Variants in CLSTN3 observed in about 807,000 individuals in gnomAD.
CLSTN3 encodes the protein calsyntenin 3.
Under a neutral mutation model 95.9 loss-of-function variants are expected in CLSTN3, and 36 were observed. The observed-to-expected ratio is 0.38, with a 90% CI of 0.29 to 0.50. The LOEUF is 0.50. CLSTN3 is among the 20% of genes least tolerant of loss of function. CLSTN3 has a pLI of 0.95. For missense variants in CLSTN3, 1,084 were observed against 1,268.8 expected (o/e 0.85, Z 2.21); for synonymous variants, 481 against 504.0 (o/e 0.95, Z 0.61).
At chr12:7,132,880 CA>C (rs767623250) in intron 1 of CLSTN3, 143 bp from the exon 2 acceptor site, 16 of 1,093,558 alleles carry the variant, frequency 1.5e-5, no homozygotes, top group Middle Eastern at 2.2e-4. Context: ...TGTCCTCAAC[CA>C]CCCGCCTCCT....
chr12:7,145,672 C>G (rs936780658), intron 12 of CLSTN3, among the ~76,000 whole-genome samples: 7 of 151,998 alleles, frequency 4.6e-5, no homozygotes, highest in African/African-American at 1.7e-4. Context: ...TTCCACAGCT[C>G]TTGACTTTCC....
intron 16 of CLSTN3, among the ~76,000 whole-genome samples, chr12:7,151,461 G>C (rs1939722521): frequency 6.6e-6 from 1 of 152,164 alleles, no homozygotes; most frequent in African/African-American, 2.4e-5. Context: ...ACTGTCCTAA[G>C]ATGATCTAAA....
chr12:7,156,142 C>A, intron 16 of CLSTN3: 1 of 380,490 alleles, frequency 2.6e-6, no homozygotes, highest in South Asian at 1.9e-5. Flanking sequence ...GGAATAGTCC[C>A]TCAGCAACGG....
Position 7,141,736 on chromosome 12 carries a change from C to G in CLSTN3, c.1486+332C>G, listed in dbSNP as rs1939529650. Among the ~76,000 whole-genome samples the G allele has an allele frequency of 6.6e-6, 1 of 152,186 alleles. No homozygotes were observed. Among genetic ancestry groups the G allele is most frequent in the East Asian group, 1.9e-4 (1 of 5,196 alleles). On this transcript the variant is annotated intron_variant, in intron 9 of 17. Transcript: ENST00000266546. The surrounding 1 kb of genome is among the most constrained non-coding windows in gnomAD (Gnocchi z 4.1). ...TTCCCCTGCTCAAGGAGAGTAACCC[C>G]TTAGAGTGTCCTCGGTCTTCCAACT...
chr12:7,139,712 G>C (rs1182680783), intron 8 of CLSTN3, among the ~76,000 whole-genome samples: 1 of 151,510 alleles, frequency 6.6e-6, no homozygotes, highest in Non-Finnish European at 1.5e-5. Flanking sequence ...GCAGTGGTGC[G>C]ATCTTGGCTC....
chr12:7,150,666 T>G lies in CLSTN3; in HGVS notation c.2368T>G (p.Ser790Ala). 6.2e-7 allele frequency: 1 copy of G among 1,613,906 alleles called. No homozygotes were observed. The highest frequency in any genetic ancestry group is 8.5e-7 in the Non-Finnish European group (1 of 1,179,780). Residue 790 changes from serine (S) to alanine (A), a missense_variant, in exon 15 of 18, where the codon TCC (serine) becomes GCC (alanine). By Grantham distance (99) the Ser-to-Ala change is moderately conservative. Transcript: ENST00000266546. This position sits in a 1 kb window ranked among gnomAD's most constrained non-coding sequence, Gnocchi z 4.0. The stretch of plus-strand genomic sequence containing the variant: ...CTGCTCGGAAATGAATGGCCGTTAC[T>G]CCAGCAATGAATTCATCGTGGAGGT... The part of the protein sequence containing the change: ...LSCSEMNGRY[S>A]SNEFIVEVNV...
intron 16 of CLSTN3, chr12:7,156,150 C>T (rs1016008041): frequency 1.0e-5 from 4 of 383,136 alleles, no homozygotes; most frequent in African/African-American, 2.1e-5. Context: ...CCCTCAGCAA[C>T]GGGACCGCCC....
At chr12:7,135,265 C>T in intron 3 of CLSTN3, 62 bp from the exon 4 acceptor site, 3 of 1,504,280 alleles carry the variant, frequency 2.0e-6, no homozygotes, top group South Asian at 1.2e-5. Flanking sequence ...GGCTGTATCT[C>T]AATGTATAAT....
Position 7,137,901 on chromosome 12 carries a change from C to G in CLSTN3, c.1211-54C>G. On this transcript the variant is annotated intron_variant, in intron 7 of 17. Coordinates refer to ENST00000266546, the MANE Select transcript of CLSTN3 (RefSeq NM_014718.4). This position sits in a 1 kb window ranked among gnomAD's most constrained non-coding sequence, Gnocchi z 4.4. ...ATCCTCTCCTTCCTGCTGCTTTGAA[C>G]TTGTTCTGGCCTCAGCCTCTGCACT... 1 of 1,314,030 alleles carries G rather than the reference C, an allele frequency of 7.6e-7. No homozygotes were observed. Among genetic ancestry groups the G allele is most frequent in the Non-Finnish European group, 1.1e-6 (1 of 917,722 alleles). 81.4% of individuals were successfully genotyped at this position (1,314,030 alleles called of 1,614,324 possible).
At position 7,130,375 on chromosome 12, in the gene CLSTN3, T is replaced by G. The variant is rs973230522; in HGVS notation, c.-274T>G. The G allele has an allele frequency of 7.4e-7, 1 of 1,346,070 alleles. No individual in the cohort carries two copies. The highest frequency in any genetic ancestry group is 1.5e-5 in the South Asian group (1 of 65,736). The allele number at this position is 1,346,070 out of a possible 1,614,324, so 83.4% of individuals were successfully genotyped here. A position where few individuals can be genotyped will look rare whatever the true frequency, so the allele number is the denominator to read the frequency against. The stretch of plus-strand genomic sequence containing the variant: ...TTGCCCGGCTGTGCTGACGTCATCC[T>G]GCAGTAGCGGGGTTGGGGTGGGAGT... On this transcript the variant is annotated 5_prime_UTR_variant, in exon 1 of 18. Transcript: ENST00000266546.
rs1939273937 is a variant in CLSTN3 at position 7,130,439 on chromosome 12, C to T, written c.-210C>T. The T allele has an allele frequency of 5.5e-6, 8 of 1,458,358 alleles. No individual in the cohort carries two copies. The South Asian group carries it at 8.4e-5, about 15-fold the overall frequency. 90.3% of individuals were successfully genotyped at this position (1,458,358 alleles called of 1,614,324 possible). A position where few individuals can be genotyped will look rare whatever the true frequency, so the allele number is the denominator to read the frequency against. The stretch of plus-strand genomic sequence containing the variant: ...CGCTGGGCTGGGGGAAACGGGAAGC[C>T]GCTGCAAGTCCACCGCCTCAGCTAC... On this transcript the variant is annotated 5_prime_UTR_variant, in exon 1 of 18. Transcript: ENST00000266546.
At chr12:7,147,245 T>C (rs1939634366) in intron 12 of CLSTN3, among the ~76,000 whole-genome samples, 1 of 151,412 alleles carries the variant, frequency 6.6e-6, no homozygotes, top group Non-Finnish European at 1.5e-5. Flanking sequence ...GAAAGATCAG[T>C]GGACTTGGGC....
Position 7,157,107 on chromosome 12 carries a change from G to A in CLSTN3, c.2528-382G>A, listed in dbSNP as rs761341185. ...CACTGGCACCTCTTTCCTAGGCTGAGTGGTCTCTGGGGAAGGCACAGGTGG... is the reference window on the plus strand; with the variant it reads ...CACTGGCACCTCTTTCCTAGGCTGAATGGTCTCTGGGGAAGGCACAGGTGG... On this transcript the variant is annotated intron_variant, in intron 16 of 17. Coordinates refer to ENST00000266546, the MANE Select transcript of CLSTN3 (RefSeq NM_014718.4). The surrounding 1 kb of genome is among the most constrained non-coding windows in gnomAD (Gnocchi z 5.9). Among the ~76,000 whole-genome samples the A allele has an allele frequency of 6.6e-6, 1 of 152,192 alleles. No individual in the cohort carries two copies. The highest frequency in any genetic ancestry group is 1.5e-5 in the Non-Finnish European group (1 of 68,028).
At position 7,157,785 on chromosome 12, in the gene CLSTN3, T is replaced by G; in HGVS notation, c.2730+94T>G. ...AGGAGGGGCAGGCCTGGGTGGAGGCTGTTCGCAGAGCTGCAGTGAGCCGGA... is the reference window on the plus strand; with the variant it reads ...AGGAGGGGCAGGCCTGGGTGGAGGCGGTTCGCAGAGCTGCAGTGAGCCGGA... On this transcript the variant is annotated intron_variant, in intron 17 of 17. Coordinates refer to ENST00000266546, the MANE Select transcript of CLSTN3 (RefSeq NM_014718.4). This position sits in a 1 kb window ranked among gnomAD's most constrained non-coding sequence, Gnocchi z 5.9. The G allele has an allele frequency of 6.7e-7, 1 of 1,497,818 alleles. No homozygotes were observed. Among genetic ancestry groups the G allele is most frequent in the Non-Finnish European group, 9.0e-7 (1 of 1,110,760 alleles). The allele number at this position is 1,497,818 out of a possible 1,614,324, so 92.8% of individuals were successfully genotyped here. A position where few individuals can be genotyped will look rare whatever the true frequency, so the allele number is the denominator to read the frequency against.
intron 16 of CLSTN3, among the ~76,000 whole-genome samples, chr12:7,153,777 A>T (rs1939766580): frequency 6.6e-6 from 1 of 152,038 alleles, no homozygotes; most frequent in South Asian, 2.1e-4. Context: ...TGGCCTGGTG[A>T]GATTCTCGAT....
intron 12 of CLSTN3, among the ~76,000 whole-genome samples, chr12:7,147,538 G>C (rs1476568681): frequency 6.7e-6 from 1 of 148,384 alleles, no homozygotes; most frequent in African/African-American, 2.5e-5. Context: ...TTGAGATAGG[G>C]TCTCACTCTG....
In CLSTN3 at chr12:7,133,676, G is replaced by T; in HGVS notation, c.291G>T (p.Val97=). 6.2e-7 allele frequency: 1 copy of T among 1,614,134 alleles called. No homozygotes were observed. Among genetic ancestry groups the T allele is most frequent in the Non-Finnish European group, 8.5e-7 (1 of 1,180,010 alleles). ...GGCTGATCCGGGCCAAGGAGCCTGT[G>T]GACTGCGAGGCCCAGAAGGAACACA... is the stretch of plus-strand genomic sequence containing the variant. ...GEGLIRAKEP[V]DCEAQKEHTF... is the part of the protein sequence containing the mutation. The change falls in exon 3 of 18, where the codon GTG becomes GTT. Residue 97 remains valine (V), a synonymous_variant. Transcript: ENST00000266546. This position sits in a 1 kb window ranked among gnomAD's most constrained non-coding sequence, Gnocchi z 4.7.
chr12:7,131,609 G>A (rs748043734), intron 1 of CLSTN3, among the ~76,000 whole-genome samples: 1 of 152,122 alleles, frequency 6.6e-6, no homozygotes, highest in Non-Finnish European at 1.5e-5. Context: ...AGACCGCAGG[G>A]GGCCAGGAGG....
chr12:7,139,656 A>ATTTTT (rs34540926), intron 8 of CLSTN3, among the ~76,000 whole-genome samples: 1 of 143,182 alleles, frequency 7.0e-6, no homozygotes, highest in African/African-American at 2.6e-5. Context: ...TATTATTATT[A>ATTTTT]TTTTTTTTTT....
Sources: allele counts gnomAD v4.1 joint callset (sites outside exome capture counted in the v4.1 genomes callset), GRCh38; gene constraint gnomAD v4.1.1; non-coding constraint Gnocchi (gnomAD v3.1); transcripts MANE v1.5; gene names NCBI Gene and HGNC (gene_info 2026-07-23, HGNC 2026-07-21).